Variants in ZFYVE9 observed in about 807,000 individuals in gnomAD.
ZFYVE9 encodes zinc finger FYVE-type containing 9, also known as zinc finger FYVE domain-containing protein 9.
A neutral mutation model predicts 126.7 loss-of-function variants in ZFYVE9; 43 were observed. That is an observed-to-expected ratio of 0.34 (90% CI 0.27 to 0.44). The LOEUF (loss-of-function observed/expected upper bound fraction) is 0.44, where lower values mean the gene tolerates loss of function less well. ZFYVE9 is among the 20% of genes least tolerant of loss of function. The pLI, the probability that ZFYVE9 is intolerant of heterozygous loss-of-function variation, is 1.00. For synonymous variants in ZFYVE9, 521 were observed against 597.4 expected (o/e 0.87, Z 1.87); for missense variants, 1,476 against 1,697.0 (o/e 0.87, Z 2.29).
chr1:52,303,858 A>C lies in ZFYVE9; in HGVS notation c.3371A>C (p.Gln1124Pro). ...RNYQYTLPVV[Q>P]GLVVDMEVRK... ...TACCAGTATACCTTGCCAGTAGTTC[A>C]AGGTTTGGTGGTTGATATGGAAGTT... Residue 1124 changes from glutamine (Q) to proline (P), a missense_variant, in exon 13 of 19, where the codon CAA becomes CCA. Physicochemically the swap from Gln to Pro is moderately conservative, Grantham distance 76. This residue lies in a region of ZFYVE9 where 669 missense variants were observed against 902.4 expected (regional missense o/e 0.74). Coordinates refer to ENST00000287727, the MANE Select transcript of ZFYVE9 (RefSeq NM_004799.4). 2 of 1,599,382 alleles carry C rather than the reference A, an allele frequency of 1.3e-6. No homozygotes were observed. Among genetic ancestry groups the C allele is most frequent in the Non-Finnish European group, 1.7e-6 (2 of 1,173,168 alleles).
chr1:52,284,098 C>G (rs189616873), intron 10 of ZFYVE9, among the ~76,000 whole-genome samples: 2 of 141,424 alleles, frequency 1.4e-5, no homozygotes, highest in East Asian at 3.9e-4. Context: ...GTATGTTGGT[C>G]TTCTTCTATT....
intron 13 of ZFYVE9, among the ~76,000 whole-genome samples, chr1:52,307,300 A>G (rs371046107): frequency 4.6e-5 from 7 of 152,106 alleles, no homozygotes; most frequent in African/African-American, 1.4e-4. Context: ...CAGTGGCACA[A>G]TCTTGGCTCA....
chr1:52,251,477 A>G (rs1645446106), intron 4 of ZFYVE9, among the ~76,000 whole-genome samples: 1 of 151,752 alleles, frequency 6.6e-6, no homozygotes, highest in Non-Finnish European at 1.5e-5. Flanking sequence ...TTTTTGTTTC[A>G]TTTTGTTCAG....
chr1:52,237,944 C>A lies in ZFYVE9; in HGVS notation c.527C>A (p.Ser176Tyr). The change falls in exon 4 of 19, where the codon TCC becomes TAC. Residue 176 changes from serine to tyrosine, a missense_variant. Ser to Tyr is a moderately radical substitution (Grantham distance 144). Transcript: ENST00000287727. ...GATTGTAATAATTATAATAGTCAAT[C>A]CCTTATGGATGCTTTTAGCTGTTCA... ...LQDCNNYNSQSLMDAFSCSLD... is the reference protein window; with the variant it reads ...LQDCNNYNSQYLMDAFSCSLD... 1.9e-6 allele frequency: 3 copies of A among 1,613,996 alleles called. No homozygotes were observed. Among genetic ancestry groups the A allele is most frequent in the Middle Eastern group, 3.3e-4 (2 of 6,062 alleles).
chr1:52,277,748 C>T (rs184767920), intron 8 of ZFYVE9, among the ~76,000 whole-genome samples: 7 of 152,192 alleles, frequency 4.6e-5, no homozygotes, highest in South Asian at 2.1e-4. Flanking sequence ...GTGATTATTA[C>T]GCATGATTTG....
Position 52,263,949 on chromosome 1 carries a change from CT to C in ZFYVE9, c.2278+78del, listed in dbSNP as rs1387881374. On this transcript the variant is annotated intron_variant, in intron 5 of 18. Coordinates refer to ENST00000287727, the MANE Select transcript of ZFYVE9 (RefSeq NM_004799.4). ...TTACGATGAGAAGACTTTTTTCCCCCTGCCTTTCTTTACAAGTTGCTCACCT... is the reference window on the plus strand; with the variant it reads ...TTACGATGAGAAGACTTTTTTCCCCCGCCTTTCTTTACAAGTTGCTCACCT... The C allele has an allele frequency of 1.2e-5, 11 of 917,814 alleles. No homozygotes were observed. The African/African-American group carries it at 1.4e-4, about 11-fold the overall frequency. The allele number at this position is 917,814 out of a possible 1,614,324, so 56.9% of individuals were successfully genotyped here. A position where few individuals can be genotyped will look rare whatever the true frequency, so the allele number is the denominator to read the frequency against.
intron 1 of ZFYVE9, among the ~76,000 whole-genome samples, chr1:52,151,043 T>C (rs532807131): frequency 6.6e-6 from 1 of 151,860 alleles, no homozygotes; most frequent in Non-Finnish European, 1.5e-5. Context: ...TTTGAAGTTA[T>C]TGTGAGGTCA....
chr1:52,345,976 T>A, intron 18 of ZFYVE9, 84 bp from the exon 19 acceptor site: 1 of 1,401,802 alleles, frequency 7.1e-7, no homozygotes, highest in Admixed American at 2.4e-5. Context: ...GGACATCTCC[T>A]TTCCTGCTCA....
At chr1:52,145,829 TTTTCCA>T (rs1644301176) in intron 1 of ZFYVE9, among the ~76,000 whole-genome samples, 1 of 152,176 alleles carries the variant, frequency 6.6e-6, no homozygotes. Context: ...TTTTAGTATG[TTTTCCA>T]TTTCATTTTT....
intron 10 of ZFYVE9, among the ~76,000 whole-genome samples, chr1:52,292,202 G>C (rs1316871683): frequency 6.8e-6 from 1 of 147,680 alleles, no homozygotes; most frequent in Non-Finnish European, 1.5e-5. Context: ...GGAATTGCTT[G>C]AACCTGGGAG....
intron 4 of ZFYVE9, among the ~76,000 whole-genome samples, chr1:52,241,701 G>A (rs909578932): frequency 2.6e-5 from 4 of 151,992 alleles, no homozygotes; most frequent in South Asian, 2.1e-4. Context: ...TTTTTCCCTC[G>A]TTTACCTTAG....
Position 52,266,847 on chromosome 1 carries a change from C to A in ZFYVE9, c.2455+16C>A. 6.4e-7 allele frequency: 1 copy of A among 1,557,516 alleles called. No individual in the cohort carries two copies. ...GGAGCAGAAGGTAGGGGATCATGTG[C>A]TATTCTCTCTCTTTTTCCTCACGAA... On this transcript the variant is annotated intron_variant, in intron 6 of 18. Coordinates refer to ENST00000287727, the MANE Select transcript of ZFYVE9 (RefSeq NM_004799.4).
intron 1 of ZFYVE9, among the ~76,000 whole-genome samples, chr1:52,153,927 A>G (rs985624711): frequency 6.6e-6 from 1 of 152,222 alleles, no homozygotes; most frequent in Non-Finnish European, 1.5e-5. Flanking sequence ...AAATCAGTGC[A>G]TGTACTGCAT....
At chr1:52,252,300 T>C (rs1391957528) in intron 4 of ZFYVE9, 1 of 156,036 alleles carries the variant, frequency 6.4e-6, no homozygotes, top group Admixed American at 6.6e-5. Flanking sequence ...CTTTGAAAAA[T>C]TTGTTTTGTT....
intron 1 of ZFYVE9, among the ~76,000 whole-genome samples, chr1:52,202,184 A>G (rs148039126): frequency 0.011 from 1,657 of 152,214 alleles, 13 homozygotes; most frequent in Non-Finnish European, 0.015. Context: ...TCCTGCTTAT[A>G]TGGTTTCTTC....
chr1:52,231,459 A>G (rs1040455042), intron 2 of ZFYVE9, among the ~76,000 whole-genome samples: 3 of 151,442 alleles, frequency 2.0e-5, no homozygotes, highest in Non-Finnish European at 4.4e-5. Flanking sequence ...GGGAGGTTGC[A>G]GTGAGCTGAG....
intron 1 of ZFYVE9, among the ~76,000 whole-genome samples, chr1:52,191,974 AATGGAC>A (rs1273507285): frequency 6.6e-6 from 1 of 152,100 alleles, no homozygotes; most frequent in Non-Finnish European, 1.5e-5. Flanking sequence ...AAAAATATTA[AATGGAC>A]ATGGTCTTAA....
chr1:52,258,529 C>G (rs1645545550), intron 4 of ZFYVE9, among the ~76,000 whole-genome samples: 1 of 151,984 alleles, frequency 6.6e-6, no homozygotes, highest in African/African-American at 2.4e-5. Flanking sequence ...AAGAGTGCCC[C>G]TGTTGAGAAG....
intron 4 of ZFYVE9, 21 bp from the exon 5 acceptor site, chr1:52,263,752 T>G (rs199531676): frequency 1.0e-5 from 10 of 975,006 alleles, no homozygotes; most frequent in African/African-American, 3.2e-5. Context: ...TTGTGTGTTC[T>G]TCCCCCCCCC....
Sources: allele counts gnomAD v4.1 joint callset (sites outside exome capture counted in the v4.1 genomes callset), GRCh38; gene constraint gnomAD v4.1.1; regional missense constraint gnomAD v4.1.1; transcripts MANE v1.5; gene names NCBI Gene and HGNC (gene_info 2026-07-23, HGNC 2026-07-21).